The following SUPT3H variants were observed in gnomAD, a reference collection of about 807,000 sequenced individuals.
The protein encoded by SUPT3H is SPT3 homolog, SAGA and STAGA complex component.
A neutral mutation model predicts 44.3 loss-of-function variants in SUPT3H; 44 were observed. The observed-to-expected ratio is 0.99, with a 90% CI of 0.78 to 1.28. SUPT3H has a LOEUF of 1.28. SUPT3H is among the 50% of genes most tolerant of loss of function. The pLI is 0.00. For missense variants in SUPT3H, 380 were observed against 387.1 expected (o/e 0.98, Z 0.15); for synonymous variants, 124 against 125.6 (o/e 0.99, Z 0.09).
At chr6:45,042,355 AG>A (rs1788671749) in intron 3 of SUPT3H, among the ~76,000 whole-genome samples, 1 of 152,170 alleles carries the variant, frequency 6.6e-6, no homozygotes, top group African/African-American at 2.4e-5. Context: ...CCTGAGAGGC[AG>A]AGGTCGCAGT....
intron 2 of SUPT3H, among the ~76,000 whole-genome samples, chr6:45,311,790 TA>T (rs1272515254): frequency 3.3e-5 from 5 of 152,004 alleles, no homozygotes; most frequent in African/African-American, 1.2e-4. Context: ...AAGCAACCAC[TA>T]AAAGAACTGC....
intron 2 of SUPT3H, among the ~76,000 whole-genome samples, chr6:45,240,233 G>A (rs1183451698): frequency 6.6e-6 from 1 of 152,080 alleles, no homozygotes; most frequent in South Asian, 2.1e-4. Context: ...ATGCTGAGGA[G>A]GACCCCAGCT....
chr6:45,134,181 G>A (rs996594381), intron 2 of SUPT3H, among the ~76,000 whole-genome samples: 5 of 152,092 alleles, frequency 3.3e-5, no homozygotes, highest in African/African-American at 1.2e-4. Context: ...TATGGCAAAA[G>A]GTGAAAGGGC....
chr6:44,893,469 G>C (rs1462913890), intron 10 of SUPT3H, among the ~76,000 whole-genome samples: 4 of 151,996 alleles, frequency 2.6e-5, no homozygotes, highest in Non-Finnish European at 5.9e-5. Context: ...CGAATATGCG[G>C]TGTTTGGTTT....
At chr6:45,114,757 G>A (rs1360418502) in intron 2 of SUPT3H, among the ~76,000 whole-genome samples, 2 of 152,016 alleles carry the variant, frequency 1.3e-5, no homozygotes, top group African/African-American at 2.4e-5. Flanking sequence ...ATTATAAACC[G>A]TCCCTATTTG....
intron 2 of SUPT3H, among the ~76,000 whole-genome samples, chr6:45,170,483 T>C (rs1033551094): frequency 6.6e-6 from 1 of 152,230 alleles, no homozygotes; most frequent in Non-Finnish European, 1.5e-5. Flanking sequence ...GACTGTTGAA[T>C]ACATCCGCAA....
intron 6 of SUPT3H, among the ~76,000 whole-genome samples, chr6:44,972,902 CA>C (rs1231662988): frequency 5.3e-5 from 8 of 152,174 alleles, no homozygotes; most frequent in Admixed American, 1.3e-4. Context: ...CTCATGAAAC[CA>C]TTTTTTCCTC....
At chr6:45,245,171 T>C (rs1771120656) in intron 2 of SUPT3H, among the ~76,000 whole-genome samples, 1 of 152,190 alleles carries the variant, frequency 6.6e-6, no homozygotes. Flanking sequence ...TTTTCAAGAA[T>C]ATCTATTTTG....
At chr6:44,929,769 C>CTTT (rs35174513) in intron 10 of SUPT3H, among the ~76,000 whole-genome samples, 3 of 143,886 alleles carry the variant, frequency 2.1e-5, no homozygotes, top group South Asian at 2.2e-4. Flanking sequence ...CATGAGCTCC[C>CTTT]TTTTTTTTTT....
intron 2 of SUPT3H, among the ~76,000 whole-genome samples, chr6:45,294,154 AT>A (rs1424239998): frequency 1.3e-5 from 2 of 152,194 alleles, no homozygotes; most frequent in Non-Finnish European, 2.9e-5. Flanking sequence ...AGTGGGTTTC[AT>A]ACCAGGGATA....
intron 2 of SUPT3H, among the ~76,000 whole-genome samples, chr6:45,118,457 C>A (rs1469111140): frequency 1.3e-5 from 2 of 152,110 alleles, no homozygotes; most frequent in Admixed American, 1.3e-4. Flanking sequence ...CTACAACTTT[C>A]AAACTCCTCT....
At chr6:45,305,623 C>T (rs1178870936) in intron 2 of SUPT3H, among the ~76,000 whole-genome samples, 1 of 152,140 alleles carries the variant, frequency 6.6e-6, no homozygotes, top group Non-Finnish European at 1.5e-5. Flanking sequence ...TTCTAATATA[C>T]ACTATATACC....
At chr6:45,267,357 A>T (rs1775422088) in intron 2 of SUPT3H, among the ~76,000 whole-genome samples, 1 of 152,250 alleles carries the variant, frequency 6.6e-6, no homozygotes, top group Non-Finnish European at 1.5e-5. Flanking sequence ...AGTAAAAAGG[A>T]AAATATTTAA....
rs535837984 is a variant in SUPT3H at position 45,234,450 on chromosome 6, G to C, written c.102-128444C>G. Among the ~76,000 whole-genome samples, 7 of 148,708 alleles carry C rather than the reference G, an allele frequency of 4.7e-5. No individual in the cohort carries two copies. In the South Asian group the frequency reaches 1.5e-3, roughly 31 times the overall value. ...GGAGGCTGAGGCAGCAAAATATCTT[G>C]AACCCAGGAGGCAGAGGTTGCAGTG... On this transcript the variant is annotated intron_variant, in intron 2 of 10. Coordinates refer to ENST00000371459, the MANE Select transcript of SUPT3H (RefSeq NM_003599.4).
At chr6:44,864,614 G>A (rs572772523) in intron 10 of SUPT3H, among the ~76,000 whole-genome samples, 95 of 152,334 alleles carry the variant, frequency 6.2e-4, no homozygotes, top group African/African-American at 2.2e-3. Flanking sequence ...AGCTGCCAAG[G>A]CTTGAGGCTT....
chr6:45,160,573 G>A (rs1198060370), intron 2 of SUPT3H, among the ~76,000 whole-genome samples: 2 of 151,660 alleles, frequency 1.3e-5, no homozygotes, highest in East Asian at 1.9e-4. Context: ...AGTGAATTAC[G>A]GTGAGTTTCC....
At chr6:44,854,986 G>C (rs894830472) in intron 10 of SUPT3H, among the ~76,000 whole-genome samples, 2 of 152,084 alleles carry the variant, frequency 1.3e-5, no homozygotes, top group African/African-American at 4.8e-5. Context: ...ATGTGTCCTT[G>C]ATGTTTTCAC....
intron 2 of SUPT3H, among the ~76,000 whole-genome samples, chr6:45,313,976 G>A (rs777244640): frequency 3.9e-5 from 6 of 152,036 alleles, no homozygotes; most frequent in Non-Finnish European, 5.9e-5. Context: ...AGGGATGCAG[G>A]GATGGTTTAA....
At chr6:44,899,021 T>C (rs1337481066) in intron 10 of SUPT3H, 2 of 152,190 alleles carry the variant, frequency 1.3e-5, no homozygotes, top group Non-Finnish European at 2.9e-5. Flanking sequence ...GTTTGGATCA[T>C]GAATTAGAAA....
Sources: allele counts gnomAD v4.1 joint callset (sites outside exome capture counted in the v4.1 genomes callset), GRCh38; gene constraint gnomAD v4.1.1; transcripts MANE v1.5; gene names NCBI Gene and HGNC (gene_info 2026-07-23, HGNC 2026-07-21).